Variants in TTC39C observed in about 807,000 individuals in gnomAD.
The protein encoded by TTC39C is tetratricopeptide repeat protein 39C.
A neutral mutation model predicts 76.3 loss-of-function variants in TTC39C; 33 were observed. The observed-to-expected ratio is 0.43, with a 90% confidence interval of 0.33 to 0.58. TTC39C has a LOEUF of 0.58. Among genes scored for constraint, TTC39C ranks in the 20% least tolerant of loss-of-function variants. TTC39C has a pLI of 0.04. For missense variants in TTC39C, 595 were observed against 701.4 expected (o/e 0.85, Z 1.71); for synonymous variants, 254 against 260.6 (o/e 0.97, Z 0.24).
chr18:24,111,227 T>C (rs2084805186), intron 6 of TTC39C, among the ~76,000 whole-genome samples: 1 of 152,090 alleles, frequency 6.6e-6, no homozygotes, highest in South Asian at 2.1e-4. Context: ...CCTGACCTCA[T>C]GAGCCACTGC....
At chr18:23,998,983 T>C (rs1568399251) in intron 1 of TTC39C, among the ~76,000 whole-genome samples, 2 of 152,312 alleles carry the variant, frequency 1.3e-5, no homozygotes, top group South Asian at 2.1e-4. Flanking sequence ...CCTTTTGTTT[T>C]CCAGCTTCTG....
At chr18:24,092,858 G>C (rs1343278389) in intron 6 of TTC39C, among the ~76,000 whole-genome samples, 1 of 152,280 alleles carries the variant, frequency 6.6e-6, no homozygotes, top group Non-Finnish European at 1.5e-5. Flanking sequence ...GCTGAGGTGA[G>C]TGGACCAGTT....
chr18:24,111,689 G>A (rs1427092666), intron 6 of TTC39C, among the ~76,000 whole-genome samples: 2 of 152,068 alleles, frequency 1.3e-5, no homozygotes, highest in East Asian at 3.9e-4. Context: ...GAGCCCAGGA[G>A]TTTGGGACCA....
chr18:24,085,078 G>T (rs2084423807), intron 6 of TTC39C, among the ~76,000 whole-genome samples: 1 of 152,196 alleles, frequency 6.6e-6, no homozygotes, highest in Non-Finnish European at 1.5e-5. Context: ...ACAGAGATTT[G>T]CTGGGTTTAG....
At chr18:24,059,281 G>A (rs2084059341) in intron 1 of TTC39C, among the ~76,000 whole-genome samples, 1 of 152,158 alleles carries the variant, frequency 6.6e-6, no homozygotes, top group Non-Finnish European at 1.5e-5. Context: ...TTGTGTCATG[G>A]AGATTTGTTG....
At chr18:24,030,654 T>TTTTC (rs2083657728) in intron 1 of TTC39C, among the ~76,000 whole-genome samples, 1 of 135,784 alleles carries the variant, frequency 7.4e-6, no homozygotes, top group African/African-American at 2.7e-5. Context: ...AGGCCTTTTT[T>TTTTC]TTTTTTTTTT....
chr18:24,023,974 A>C (rs1172558476), intron 1 of TTC39C, among the ~76,000 whole-genome samples: 1,907 of 14,264 alleles, frequency 0.13, 106 homozygotes, highest in Non-Finnish European at 0.27. Flanking sequence ...ATATATATAT[A>C]TATATACATA....
intron 1 of TTC39C, among the ~76,000 whole-genome samples, chr18:24,008,028 G>T (rs1266115683): frequency 6.6e-6 from 1 of 152,162 alleles, no homozygotes; most frequent in Non-Finnish European, 1.5e-5. Flanking sequence ...TATAAATGGG[G>T]AAATTGAGGC....
At chr18:24,120,965 C>T (rs1399012160) in intron 8 of TTC39C, 1 of 152,136 alleles carries the variant, frequency 6.6e-6, no homozygotes, top group African/African-American at 2.4e-5. Flanking sequence ...TGTTTCCAAT[C>T]TTTTTGCTAT....
At chr18:24,027,284 A>G (rs950077144) in intron 1 of TTC39C, among the ~76,000 whole-genome samples, 1 of 152,120 alleles carries the variant, frequency 6.6e-6, no homozygotes, top group African/African-American at 2.4e-5. Context: ...AAGAAAAAAA[A>G]AAAGTAATCG....
At chr18:24,066,176 C>A in intron 3 of TTC39C, 36 bp downstream of exon 3, 1 of 1,554,800 alleles carries the variant, frequency 6.4e-7, no homozygotes, top group Non-Finnish European at 8.6e-7. Context: ...GACTGTGTGC[C>A]ACTTATTTAG....
intron 4 of TTC39C, among the ~76,000 whole-genome samples, chr18:24,078,655 C>T (rs768224978): frequency 2.0e-5 from 3 of 152,150 alleles, no homozygotes; most frequent in East Asian, 1.9e-4. Context: ...CAACGAGTTA[C>T]GACAGCACAA....
At chr18:24,098,229 C>T (rs1329234829) in intron 6 of TTC39C, among the ~76,000 whole-genome samples, 3 of 151,930 alleles carry the variant, frequency 2.0e-5, no homozygotes, top group South Asian at 4.1e-4. Flanking sequence ...TTTATTTCTC[C>T]CATTTTGACT....
intron 1 of TTC39C, among the ~76,000 whole-genome samples, chr18:24,057,041 A>G (rs2084025119): frequency 6.6e-6 from 1 of 152,114 alleles, no homozygotes; most frequent in East Asian, 1.9e-4. Context: ...ACATAGAATC[A>G]TTTAATGAAT....
intron 4 of TTC39C, among the ~76,000 whole-genome samples, chr18:24,072,672 T>A (rs1468795178): frequency 6.6e-6 from 1 of 152,262 alleles, no homozygotes; most frequent in East Asian, 1.9e-4. Flanking sequence ...CATCATCTCT[T>A]TAATTTCCCA....
chr18:24,018,392 C>CAG (rs1404089734), intron 1 of TTC39C, among the ~76,000 whole-genome samples: 1 of 151,912 alleles, frequency 6.6e-6, no homozygotes, highest in Non-Finnish European at 1.5e-5. Context: ...TCCACACACA[C>CAG]ACACTCATTC....
chr18:24,018,616 T>G (rs1431748259), intron 1 of TTC39C, among the ~76,000 whole-genome samples: 2 of 152,010 alleles, frequency 1.3e-5, no homozygotes, highest in Non-Finnish European at 2.9e-5. Context: ...AGCGTCTAAC[T>G]CAGCCTGAAG....
chr18:24,037,473 C>T (rs1166388657), intron 1 of TTC39C, among the ~76,000 whole-genome samples: 1 of 152,166 alleles, frequency 6.6e-6, no homozygotes, highest in African/African-American at 2.4e-5. Flanking sequence ...GGGTTCCCAC[C>T]ATTTGTGCTA....
intron 1 of TTC39C, among the ~76,000 whole-genome samples, chr18:24,047,168 A>G (rs2083895730): frequency 6.6e-6 from 1 of 151,624 alleles, no homozygotes; most frequent in African/African-American, 2.4e-5. Flanking sequence ...ATCTCCGCTT[A>G]CTGCAACCTC....
Sources: allele counts gnomAD v4.1 joint callset (sites outside exome capture counted in the v4.1 genomes callset), GRCh38; gene constraint gnomAD v4.1.1; transcripts MANE v1.5; gene names NCBI Gene and HGNC (gene_info 2026-07-23, HGNC 2026-07-21).